Variants in SIAH3 observed in about 807,000 individuals in gnomAD.
The protein encoded by SIAH3 is siah E3 ubiquitin protein ligase family member 3.
A neutral mutation model predicts 12.6 loss-of-function variants in SIAH3; 9 were observed. The ratio of observed to expected loss-of-function variants is 0.72; its 90% CI spans 0.43 to 1.25. The LOEUF is 1.25. Ranked by LOEUF, SIAH3 falls within the 50% of genes most tolerant of loss-of-function variation. The probability of loss-of-function intolerance (pLI) is 0.00; values close to 1 mark genes in which losing one functional copy is unlikely to be tolerated. For synonymous variants in SIAH3, 154 were observed against 151.1 expected (o/e 1.02, Z -0.14); for missense variants, 390 against 365.4 (o/e 1.07, Z -0.55).
chr13:45,791,891 G>T (rs7333289), intron 1 of SIAH3, among the ~76,000 whole-genome samples: 1 of 152,098 alleles, frequency 6.6e-6, no homozygotes, highest in Admixed American at 6.5e-5. Context: ...GGACCCCTGA[G>T]CTAAAAAGGA....
chr13:45,785,905 C>G (rs1332096249), intron 1 of SIAH3, among the ~76,000 whole-genome samples: 1 of 152,206 alleles, frequency 6.6e-6, no homozygotes. Context: ...AGTGATGAGT[C>G]TGACTTATCC....
At chr13:45,810,785 C>T (rs1191566255) in intron 1 of SIAH3, among the ~76,000 whole-genome samples, 1 of 152,230 alleles carries the variant, frequency 6.6e-6, no homozygotes, top group East Asian at 1.9e-4. Context: ...AAGAGGCAAA[C>T]ATCCCCTGCT....
At chr13:45,799,626 G>T (rs1179482238) in intron 1 of SIAH3, among the ~76,000 whole-genome samples, 1 of 152,212 alleles carries the variant, frequency 6.6e-6, no homozygotes, top group African/African-American at 2.4e-5. Context: ...AGGCCTGGGG[G>T]TTGGTGGTAG....
Position 45,779,505 on chromosome 13 carries a change from C to T in SIAH3, c.*3878G>A, listed in dbSNP as rs1950495962. ...GACTCGGTCCTTCTGAGCCTTGGGT[C>T]CATATGTTCATAGAAATGACATGGT... On this transcript the variant is annotated 3_prime_UTR_variant, in exon 2 of 2. Transcript: ENST00000400405. 1 of 152,162 alleles carries T rather than the reference C, an allele frequency of 6.6e-6. No homozygotes were observed. Among genetic ancestry groups the T allele is most frequent in the African/African-American group, 2.4e-5 (1 of 41,418 alleles). The allele number at this position is 152,162 out of a possible 1,614,324, so 9.4% of individuals were successfully genotyped here. A position where few individuals can be genotyped will look rare whatever the true frequency, so the allele number is the denominator to read the frequency against.
intron 1 of SIAH3, among the ~76,000 whole-genome samples, chr13:45,809,075 AAAG>A (rs1242557609): frequency 3.3e-5 from 5 of 152,180 alleles, no homozygotes; most frequent in African/African-American, 1.2e-4. Context: ...CTGACTCATA[AAAG>A]AAGTTGATGT....
chr13:45,800,961 A>T (rs1251892451), intron 1 of SIAH3, among the ~76,000 whole-genome samples: 1 of 152,070 alleles, frequency 6.6e-6, no homozygotes, highest in African/African-American at 2.4e-5. Context: ...TTCCACAATG[A>T]TCCCATGAGA....
chr13:45,822,436 T>A (rs1369173809), intron 1 of SIAH3, among the ~76,000 whole-genome samples: 1 of 149,828 alleles, frequency 6.7e-6, no homozygotes, highest in African/African-American at 2.5e-5. Flanking sequence ...TGGATTTGAG[T>A]CTTTCTGATC....
chr13:45,795,416 T>C (rs144456519), intron 1 of SIAH3, among the ~76,000 whole-genome samples: 3 of 152,314 alleles, frequency 2.0e-5, no homozygotes, highest in East Asian at 1.9e-4. Context: ...GTGATACTTG[T>C]ATGAGAGTTT....
chr13:45,831,970 C>T lies in SIAH3; in HGVS notation c.135+19525G>A, dbSNP rs141036370. On this transcript the variant is annotated intron_variant, in intron 1 of 1. Coordinates refer to ENST00000400405, the MANE Select transcript of SIAH3 (RefSeq NM_198849.3). ...AGGGAATCCCACCTTGGTTGGTTGG[C>T]CTGAGAAGATGGACTTTGGGAGGGC... Among the ~76,000 whole-genome samples the T allele has an allele frequency of 1.7e-4, 26 of 152,262 alleles. No individual in the cohort carries two copies. The East Asian group carries it at 4.8e-3, about 28-fold the overall frequency.
At chr13:45,811,059 T>A (rs559790852) in intron 1 of SIAH3, among the ~76,000 whole-genome samples, 34 of 152,354 alleles carry the variant, frequency 2.2e-4, no homozygotes, top group African/African-American at 7.5e-4. Context: ...CTGGTTCAGC[T>A]GTTCATTTGC....
chr13:45,837,520 A>G (rs1950722083), intron 1 of SIAH3, among the ~76,000 whole-genome samples: 1 of 134,610 alleles, frequency 7.4e-6, no homozygotes, highest in Non-Finnish European at 1.6e-5. Context: ...TACAGAGAGA[A>G]AGGAAGAAAG....
chr13:45,827,189 A>G (rs898354028), intron 1 of SIAH3, among the ~76,000 whole-genome samples: 2 of 152,114 alleles, frequency 1.3e-5, no homozygotes, highest in African/African-American at 4.8e-5. Context: ...GGAGGAGAGG[A>G]TCCTGACAAA....
At chr13:45,823,037 G>A (rs555051590) in intron 1 of SIAH3, among the ~76,000 whole-genome samples, 35 of 152,212 alleles carry the variant, frequency 2.3e-4, no homozygotes, top group African/African-American at 4.6e-4. Context: ...GATCTAACCC[G>A]TCCCCTCTGC....
intron 1 of SIAH3, among the ~76,000 whole-genome samples, chr13:45,797,121 C>T (rs928520583): frequency 7.3e-5 from 11 of 149,746 alleles, no homozygotes; most frequent in Non-Finnish European, 1.3e-4. Context: ...TCTACTTCAA[C>T]GCAATTCAAA....
At position 45,779,229 on chromosome 13, in the gene SIAH3, A is replaced by G. The variant is rs1455134507; in HGVS notation, c.*4154T>C. 1 of 152,224 alleles carries G rather than the reference A, an allele frequency of 6.6e-6. No individual in the cohort carries two copies. Among genetic ancestry groups the G allele is most frequent in the Admixed American group, 6.5e-5 (1 of 15,276 alleles). 9.4% of individuals were successfully genotyped at this position (152,224 alleles called of 1,614,324 possible). ...AGAGTAGTGAAATAATTAGGAAGTG[A>G]TGAGTTTTAAGTACTTTTGACCTTT... On this transcript the variant is annotated 3_prime_UTR_variant, in exon 2 of 2. Transcript: ENST00000400405.
At chr13:45,795,383 T>G (rs1479834731) in intron 1 of SIAH3, among the ~76,000 whole-genome samples, 1 of 152,212 alleles carries the variant, frequency 6.6e-6, no homozygotes, top group Non-Finnish European at 1.5e-5. Flanking sequence ...GTCACAGACC[T>G]GCTAATCTGT....
At chr13:45,848,141 T>C (rs941477832) in intron 1 of SIAH3, among the ~76,000 whole-genome samples, 1 of 152,140 alleles carries the variant, frequency 6.6e-6, no homozygotes, top group Non-Finnish European at 1.5e-5. Flanking sequence ...CAGCCTGAAG[T>C]CTGCTCGTCA....
chr13:45,794,640 C>A (rs560347766), intron 1 of SIAH3, among the ~76,000 whole-genome samples: 1 of 152,318 alleles, frequency 6.6e-6, no homozygotes, highest in Non-Finnish European at 1.5e-5. Flanking sequence ...CCCCTCCACA[C>A]ACTCTCTTGC....
intron 1 of SIAH3, among the ~76,000 whole-genome samples, chr13:45,805,666 G>A (rs894556248): frequency 2.0e-5 from 3 of 152,106 alleles, no homozygotes; most frequent in African/African-American, 7.2e-5. Context: ...CAGTGGCCTT[G>A]GCAAAGAATT....
Sources: gnomAD v4.1 joint callset for allele counts (sites outside exome capture counted in the v4.1 genomes callset) on GRCh38, gnomAD v4.1.1 for gene constraint, MANE v1.5 for transcripts, NCBI Gene and HGNC (gene_info 2026-07-23, HGNC 2026-07-21) for gene names.